FANCD2: variants seen among roughly 807,000 people sequenced by gnomAD.
FANCD2 encodes the protein FA complementation group D2.
In FANCD2, 131 loss-of-function variants were observed where a neutral mutation model predicts 192.3. That is an observed-to-expected ratio of 0.68 (90% CI 0.59 to 0.79). The LOEUF (loss-of-function observed/expected upper bound fraction) is 0.79. Among genes scored for constraint, FANCD2 ranks in the 30% least tolerant of loss-of-function variants. The probability of loss-of-function intolerance (pLI) is 0.00; values close to 1 mark genes in which losing one functional copy is unlikely to be tolerated. For synonymous variants in FANCD2, 524 were observed against 612.5 expected (o/e 0.86, Z 2.13); for missense variants, 1,508 against 1,701.6 (o/e 0.89, Z 2.00).
intron 28 of FANCD2, among the ~76,000 whole-genome samples, chr3:10,073,777 G>A (rs1163905838): frequency 1.3e-5 from 2 of 152,046 alleles, no homozygotes; most frequent in Non-Finnish European, 2.9e-5. Flanking sequence ...ATATTTATTA[G>A]GTATAGTTTC....
chr3:10,093,634 G>A (rs1010361334), intron 39 of FANCD2, among the ~76,000 whole-genome samples: 8 of 152,196 alleles, frequency 5.3e-5, no homozygotes, highest in Admixed American at 5.2e-4. Flanking sequence ...GAGGAAGGAG[G>A]AGTAGATGAT....
chr3:10,042,976 A>T, intron 11 of FANCD2, 74 bp from the exon 12 acceptor site: 1 of 1,284,806 alleles, frequency 7.8e-7, no homozygotes, highest in Non-Finnish European at 1.1e-6. Context: ...GGAGATTGTC[A>T]TGGTAGAGAG....
intron 18 of FANCD2, among the ~76,000 whole-genome samples, chr3:10,052,755 C>T (rs1365346949): frequency 6.6e-6 from 1 of 151,652 alleles, no homozygotes; most frequent in Non-Finnish European, 1.5e-5. Context: ...GACATTTATG[C>T]AGCCAAAAAA....
intron 17 of FANCD2, among the ~76,000 whole-genome samples, chr3:10,050,875 T>C (rs1393864089): frequency 7.1e-6 from 1 of 141,514 alleles, no homozygotes; most frequent in Admixed American, 7.2e-5. Context: ...TCACCTGAGG[T>C]TGGGAGTTCG....
chr3:10,099,298 A>G, intron 43 of FANCD2: 1 of 1,242,230 alleles, frequency 8.1e-7, no homozygotes, highest in Non-Finnish European at 1.0e-6. Flanking sequence ...TGTGGTACAG[A>G]TGCTTTCGAC....
intron 29 of FANCD2, 49 bp downstream of exon 29, chr3:10,074,722 C>T (rs777920890): frequency 2.2e-5 from 35 of 1,573,752 alleles, no homozygotes; most frequent in Non-Finnish European, 2.8e-5. Flanking sequence ...TCAGAAAGTT[C>T]CTCAGGTCTA....
Position 10,085,875 on chromosome 3 carries a change from C to T in FANCD2, c.3288C>T (p.Ser1096=), listed in dbSNP as rs569070151. Reference sequence around the variant, plus strand: ...ATTCAGCCCTCCATGTCCTTAGTAGCCGACTGAAACAGGGAGAACACAGCC... The same window carrying T: ...ATTCAGCCCTCCATGTCCTTAGTAGTCGACTGAAACAGGGAGAACACAGCC... ...LLYSALHVLS[S]RLKQGEHSQP... The change falls in exon 33 of 44, where the codon AGC becomes AGT. Residue 1096 remains serine, a synonymous_variant. Transcript: ENST00000675286. 6.2e-7 allele frequency: 1 copy of T among 1,613,672 alleles called. No homozygotes were observed. The highest frequency in any genetic ancestry group is 8.5e-7 in the Non-Finnish European group (1 of 1,179,704).
intron 29 of FANCD2, among the ~76,000 whole-genome samples, chr3:10,075,799 T>C (rs1020966845): frequency 6.8e-5 from 10 of 147,660 alleles, no homozygotes; most frequent in Middle Eastern, 3.4e-3. Context: ...GGTGGGATCT[T>C]GGCTCACTGC....
At chr3:10,036,260 C>A in intron 6 of FANCD2, 27 bp from the exon 7 acceptor site, 1 of 1,587,100 alleles carries the variant, frequency 6.3e-7, no homozygotes, top group South Asian at 1.1e-5. Context: ...GAGATCATCT[C>A]CTAACTCCCT....
At chr3:10,071,125 T>TAA (rs35134252) in intron 26 of FANCD2, among the ~76,000 whole-genome samples, 2 of 77,904 alleles carry the variant, frequency 2.6e-5, no homozygotes, top group Non-Finnish European at 6.0e-5. Flanking sequence ...GAATGATCGA[T>TAA]AAAAAAAAAA....
intron 20 of FANCD2, 84 bp from the exon 21 acceptor site, chr3:10,063,708 G>A: frequency 6.3e-7 from 1 of 1,587,174 alleles, no homozygotes; most frequent in Non-Finnish European, 8.6e-7. Context: ...ATCAGAAAGT[G>A]AAAAAACAGT....
At chr3:10,075,538 G>A (rs1693485895) in intron 29 of FANCD2, among the ~76,000 whole-genome samples, 1 of 152,146 alleles carries the variant, frequency 6.6e-6, no homozygotes, top group Non-Finnish European at 1.5e-5. Flanking sequence ...AAGGACTAGT[G>A]AAACTCTAGT....
intron 41 of FANCD2, among the ~76,000 whole-genome samples, chr3:10,095,829 GTTAC>G (rs1472197055): frequency 6.6e-6 from 1 of 150,512 alleles, no homozygotes; most frequent in Non-Finnish European, 1.5e-5. Context: ...TCCAGTTTCT[GTTAC>G]TTACTTCCTC....
chr3:10,093,377 A>G, intron 39 of FANCD2, 54 bp downstream of exon 39: 1 of 1,400,820 alleles, frequency 7.1e-7, no homozygotes, highest in Non-Finnish European at 1.0e-6. Flanking sequence ...GGATCACTCT[A>G]GAGAGGACCT....
intron 29 of FANCD2, among the ~76,000 whole-genome samples, chr3:10,077,490 G>A (rs755678967): frequency 1.3e-5 from 2 of 152,118 alleles, no homozygotes; most frequent in Non-Finnish European, 2.9e-5. Context: ...GGGACGCAGA[G>A]GTTGTAGTGA....
chr3:10,052,361 CATT>C (rs750159182), intron 17 of FANCD2, 23 bp from the exon 18 acceptor site: 2 of 1,379,550 alleles, frequency 1.4e-6, no homozygotes, highest in Admixed American at 3.4e-5. Context: ...CTGCTAGCCT[CATT>C]GTTGGCATCA....
intron 27 of FANCD2, 131 bp from the exon 28 acceptor site, chr3:10,073,122 G>A: frequency 1.2e-6 from 1 of 860,746 alleles, no homozygotes; most frequent in South Asian, 1.5e-5. Context: ...TAAATATACT[G>A]TAATTTAGGG....
intron 43 of FANCD2, among the ~76,000 whole-genome samples, chr3:10,100,106 C>T (rs1695213567): frequency 6.6e-6 from 1 of 151,998 alleles, no homozygotes; most frequent in Non-Finnish European, 1.5e-5. Context: ...GAGGGTTGCT[C>T]AAGCCCAGGA....
Position 10,074,591 on chromosome 3 carries a change from G to C in FANCD2, c.2777G>C (p.Arg926Pro), listed in dbSNP as rs532250395. 6.2e-7 allele frequency: 1 copy of C among 1,613,592 alleles called. No individual in the cohort carries two copies. Among genetic ancestry groups the C allele is most frequent in the Non-Finnish European group, 8.5e-7 (1 of 1,179,730 alleles). Residue 926 changes from arginine (R) to proline (P), a missense_variant, in exon 29 of 44, where the codon CGA becomes CCA. Transcript: ENST00000675286. The part of the protein sequence containing the change: ...LLLHNSHAFF[R>P]ELDIEVFSIL... ...CTACATAATTCCCATGCTTTTTTCC[G>C]AGAGCTGGACATTGAGGTCTTCTCT...
Sources: allele counts gnomAD v4.1 joint callset (sites outside exome capture counted in the v4.1 genomes callset), GRCh38; gene constraint gnomAD v4.1.1; transcripts MANE v1.5; gene names NCBI Gene and HGNC (gene_info 2026-07-23, HGNC 2026-07-21).